Variants in FRMPD1 observed in about 807,000 individuals in gnomAD.
FRMPD1 encodes FERM and PDZ domain containing 1.
Under a neutral mutation model 117.8 loss-of-function variants are expected in FRMPD1, and 76 were observed. The observed-to-expected ratio is 0.65, with a 90% confidence interval of 0.54 to 0.78. The LOEUF (loss-of-function observed/expected upper bound fraction) is 0.78. Ranked by LOEUF, FRMPD1 falls within the 30% of genes least tolerant of loss-of-function variation. The probability of loss-of-function intolerance (pLI) is 0.00; values close to 1 mark genes in which losing one functional copy is unlikely to be tolerated. For missense variants in FRMPD1, 1,786 were observed against 1,964.5 expected (o/e 0.91, Z 1.72); for synonymous variants, 783 against 770.4 (o/e 1.02, Z -0.27).
At chr9:37,668,684 T>C (rs539155375) in intron 1 of FRMPD1, 2 of 152,320 alleles carry the variant, frequency 1.3e-5, no homozygotes, top group Admixed American at 1.3e-4. Flanking sequence ...TCAATTGTGA[T>C]ACCTTCTCCA....
chr9:37,616,162 A>G, the FRMPD1 span, among the ~76,000 whole-genome samples: 2 of 124,972 alleles, frequency 1.6e-5, no homozygotes, highest in African/African-American at 6.2e-5. Flanking sequence ...TCTGTCGCCC[A>G]GGCTGGAGTG....
intron 6 of FRMPD1, among the ~76,000 whole-genome samples, chr9:37,723,484 T>C (rs1257466571): frequency 1.3e-5 from 2 of 152,148 alleles, no homozygotes; most frequent in Non-Finnish European, 2.9e-5. Context: ...GTGAGGAGGT[T>C]AGGGAGGATC....
intron 2 of FRMPD1, among the ~76,000 whole-genome samples, chr9:37,701,032 C>T (rs988052037): frequency 1.4e-4 from 22 of 152,302 alleles, no homozygotes; most frequent in Admixed American, 1.3e-3. Flanking sequence ...TAATCCCTTT[C>T]CAAACAAAAG....
At chr9:37,742,136 TTAAA>T (rs1205053575) in intron 15 of FRMPD1, among the ~76,000 whole-genome samples, 4 of 152,158 alleles carry the variant, frequency 2.6e-5, no homozygotes, top group Non-Finnish European at 5.9e-5. Context: ...GCAATTGTTG[TTAAA>T]TGAATGAATG....
chr9:37,637,418 AC>A, the FRMPD1 span: 1 of 648,536 alleles, frequency 1.5e-6, no homozygotes, highest in Non-Finnish European at 2.8e-6. Context: ...AATAAAATTC[AC>A]CCTTTTTAGT....
At chr9:37,643,443 C>A in the FRMPD1 span, among the ~76,000 whole-genome samples, 1 of 152,094 alleles carries the variant, frequency 6.6e-6, no homozygotes, top group African/African-American at 2.4e-5. Context: ...TCTTTCAGAT[C>A]ATTAAATCAG....
the FRMPD1 span, among the ~76,000 whole-genome samples, chr9:37,612,751 CA>C: frequency 6.6e-6 from 1 of 152,174 alleles, no homozygotes; most frequent in Non-Finnish European, 1.5e-5. Flanking sequence ...CTTGGCCTCC[CA>C]AAGTGTTGGG....
intron 1 of FRMPD1, among the ~76,000 whole-genome samples, chr9:37,671,207 C>A (rs67290237): frequency 0.23 from 35,164 of 152,134 alleles, 4,196 homozygotes; most frequent in Middle Eastern, 0.28. Context: ...GCTGTTTTCC[C>A]TCTCACTCAA....
chr9:37,687,645 C>G (rs930659080), intron 1 of FRMPD1, among the ~76,000 whole-genome samples: 2 of 152,094 alleles, frequency 1.3e-5, no homozygotes, highest in African/African-American at 4.8e-5. Flanking sequence ...TGGTAAGTCT[C>G]AAAGAAATAT....
the FRMPD1 span, among the ~76,000 whole-genome samples, chr9:37,610,393 T>C: frequency 6.6e-6 from 1 of 152,208 alleles, no homozygotes; most frequent in African/African-American, 2.4e-5. Context: ...ACTGAATAAA[T>C]GAGGAAAGTG....
intron 1 of FRMPD1, among the ~76,000 whole-genome samples, chr9:37,668,994 G>A (rs958525137): frequency 1.3e-5 from 2 of 152,140 alleles, no homozygotes; most frequent in African/African-American, 4.8e-5. Flanking sequence ...CTTTCACGTT[G>A]AATAAATCCC....
chr9:37,694,332 G>A (rs993473250), intron 2 of FRMPD1, among the ~76,000 whole-genome samples: 3 of 152,140 alleles, frequency 2.0e-5, no homozygotes, highest in African/African-American at 4.8e-5. Context: ...GAGAAGTCTC[G>A]CAGAGAAAGA....
intron 2 of FRMPD1, chr9:37,693,027 C>T (rs749599989): frequency 1.1e-4 from 50 of 472,112 alleles, no homozygotes; most frequent in Non-Finnish European, 1.7e-4. Context: ...GAAATACACT[C>T]ATACATACTC....
chr9:37,703,605 A>C (rs1041863226), intron 2 of FRMPD1, among the ~76,000 whole-genome samples: 1 of 152,210 alleles, frequency 6.6e-6, no homozygotes, highest in Non-Finnish European at 1.5e-5. Flanking sequence ...GTGTATTCAC[A>C]GATCTGCAAC....
At chr9:37,682,587 C>T (rs1309451956) in intron 1 of FRMPD1, among the ~76,000 whole-genome samples, 2 of 152,190 alleles carry the variant, frequency 1.3e-5, no homozygotes, top group Non-Finnish European at 2.9e-5. Flanking sequence ...ATATCTAGTT[C>T]AGTGCTCTTT....
chr9:37,700,160 G>A (rs1009744341), intron 2 of FRMPD1, among the ~76,000 whole-genome samples: 14 of 152,078 alleles, frequency 9.2e-5, no homozygotes, highest in Non-Finnish European at 1.8e-4. Flanking sequence ...AGAGATTTGA[G>A]GGTAGTCTGG....
chr9:37,746,379 G>A lies in FRMPD1; in HGVS notation c.4347G>A (p.Glu1449=). The change falls in exon 16 of 16, where the codon GAG becomes GAA. Residue 1449 remains glutamate (E), a synonymous_variant. Coordinates refer to ENST00000377765, the MANE Select transcript of FRMPD1 (RefSeq NM_014907.3). ...GGGTTGGAAACAAACATCCCCCAGA[G>A]AAGTGCACCTGGCACTTTACCGAAA... ...SWGVGNKHPP[E]KCTWHFTESR... is the part of the protein sequence containing the mutation. 1 of 1,612,938 alleles carries A rather than the reference G, an allele frequency of 6.2e-7. No homozygotes were observed. Among genetic ancestry groups the A allele is most frequent in the South Asian group, 1.1e-5 (1 of 91,040 alleles).
chr9:37,732,704 G>A (rs1163292419), intron 10 of FRMPD1, among the ~76,000 whole-genome samples: 2 of 152,208 alleles, frequency 1.3e-5, no homozygotes, highest in African/African-American at 2.4e-5. Flanking sequence ...AAGATGTCTT[G>A]GGAAATCAGT....
At chr9:37,713,398 C>G (rs1822982942) in intron 5 of FRMPD1, among the ~76,000 whole-genome samples, 1 of 152,120 alleles carries the variant, frequency 6.6e-6, no homozygotes, top group East Asian at 1.9e-4. Context: ...ATAGCTTGAG[C>G]TGAGGAGTTC....
Sources: gnomAD v4.1 joint callset for allele counts (sites outside exome capture counted in the v4.1 genomes callset) on GRCh38, gnomAD v4.1.1 for gene constraint, MANE v1.5 for transcripts, NCBI Gene and HGNC (gene_info 2026-07-23, HGNC 2026-07-21) for gene names.